Variants in NEIL2 observed in about 807,000 individuals in gnomAD.
The protein encoded by NEIL2 is endonuclease 8-like 2.
In NEIL2, 23 loss-of-function variants were observed where a neutral mutation model predicts 22.2. The ratio of observed to expected loss-of-function variants is 1.04; its 90% CI spans 0.75 to 1.47. NEIL2 has a LOEUF of 1.47. Among genes scored for constraint, NEIL2 ranks in the 40% most tolerant of loss-of-function variants. The pLI is 0.00. For synonymous variants in NEIL2, 229 were observed against 164.8 expected, an observed-to-expected ratio of 1.39 and a Z score of -2.99; for missense variants, 583 against 404.7, an observed-to-expected ratio of 1.44 and a Z score of -3.78.
intron 3 of NEIL2, among the ~76,000 whole-genome samples, chr8:11,780,878 T>G (rs1804358236): frequency 6.6e-6 from 1 of 152,242 alleles, no homozygotes; most frequent in South Asian, 2.1e-4. Flanking sequence ...TTAGGTCGTT[T>G]GTGTACTTCT....
intron 2 of NEIL2, among the ~76,000 whole-genome samples, chr8:11,775,056 C>G (rs934631090): frequency 1.3e-5 from 2 of 152,264 alleles, no homozygotes; most frequent in Non-Finnish European, 1.5e-5. Flanking sequence ...CAGTGGCCCT[C>G]TTCTCACAGC....
In NEIL2 at chr8:11,771,284, A is replaced by G. The variant is rs186378528; in HGVS notation, c.-2-162A>G. Among the ~76,000 whole-genome samples, 8 of 152,232 alleles carry G rather than the reference A, an allele frequency of 5.3e-5. No homozygotes were observed. The East Asian group carries it at 7.7e-4, about 15-fold the overall frequency. ...CACCCTGCCACAGCTGCTCTTCTCT[A>G]TGATCTGACCGCCTCCCAGCCACAC... On this transcript the variant is annotated intron_variant, in intron 1 of 4. Coordinates refer to ENST00000284503, the MANE Select transcript of NEIL2 (RefSeq NM_145043.4).
chr8:11,773,129 T>C (rs768079559), intron 2 of NEIL2, among the ~76,000 whole-genome samples: 2 of 152,122 alleles, frequency 1.3e-5, no homozygotes, highest in African/African-American at 2.4e-5. Context: ...GTACACACTG[T>C]CCTTCGAGGT....
At position 11,779,911 on chromosome 8, in the gene NEIL2, A is replaced by C. The variant is rs760384701; in HGVS notation, c.452A>C (p.Lys151Thr). The change falls in exon 3 of 5, where the codon AAA becomes ACA. Residue 151 changes from lysine (K) to threonine (T), a missense_variant. Physicochemically the swap from Lys to Thr is moderately conservative, Grantham distance 78 (BLOSUM62 -1). Transcript: ENST00000284503. ...GTGAACGATTTCTCCAGAGCCAAGA[A>C]AGCCAACAAGAGGGGGGACTGGAGG... ...VWVNDFSRAKKANKRGDWRDP... is the reference protein window; with the variant it reads ...VWVNDFSRAKTANKRGDWRDP... The C allele has an allele frequency of 5.6e-6, 9 of 1,614,134 alleles. No individual in the cohort carries two copies. The highest frequency in any genetic ancestry group is 2.2e-5 in the East Asian group (1 of 44,880).
rs34908835 is a variant in NEIL2 at position 11,778,290 on chromosome 8, GTTTTT to G, written c.139-1292_139-1288del. ...TTATGCCCACTTAAATCCTTGCTCA[GTTTTT>G]TTTTTTTTTTTTTTTATGTAGGTCA... On this transcript the variant is annotated intron_variant, in intron 2 of 4. Transcript: ENST00000284503. Among the ~76,000 whole-genome samples, 217 of 130,286 alleles carry G rather than the reference GTTTTT, an allele frequency of 1.7e-3. 2 individuals are homozygous for G. The highest frequency in any genetic ancestry group is 5.9e-3 in the South Asian group (24 of 4,044). 85.5% of individuals were successfully genotyped at this position (130,286 alleles called of 152,430 possible).
chr8:11,772,534 G>T (rs1193702691), intron 2 of NEIL2, among the ~76,000 whole-genome samples: 1 of 152,168 alleles, frequency 6.6e-6, no homozygotes, highest in Non-Finnish European at 1.5e-5. Context: ...TCTGCTTTAG[G>T]TGGGAAGGAG....
At chr8:11,777,562 A>G (rs566781149) in intron 2 of NEIL2, among the ~76,000 whole-genome samples, 4 of 152,236 alleles carry the variant, frequency 2.6e-5, no homozygotes, top group African/African-American at 7.2e-5. Context: ...GCCCCTGGCA[A>G]TCACCTTTCT....
intron 1 of NEIL2, among the ~76,000 whole-genome samples, chr8:11,771,140 C>T (rs8191528): frequency 0.18 from 26,851 of 152,000 alleles, 2,703 homozygotes; most frequent in Middle Eastern, 0.33. Context: ...TGGCAGGTGC[C>T]GCTCAGGAAT....
chr8:11,778,290 G>GTTTTTTTTTTTT (rs34908835), intron 2 of NEIL2, among the ~76,000 whole-genome samples: 27 of 130,284 alleles, frequency 2.1e-4, no homozygotes, highest in Non-Finnish European at 2.1e-4. Context: ...TCCTTGCTCA[G>GTTTTTTTTTTTT]TTTTTTTTTT....
intron 2 of NEIL2, among the ~76,000 whole-genome samples, chr8:11,774,259 C>T (rs887486505): frequency 1.2e-4 from 18 of 152,050 alleles, no homozygotes; most frequent in Non-Finnish European, 2.5e-4. Context: ...CCTGTAATCC[C>T]AGCTACTTGG....
chr8:11,782,097 A>G (rs8191625), intron 3 of NEIL2, among the ~76,000 whole-genome samples: 8,224 of 152,034 alleles, frequency 0.054, 313 homozygotes, highest in Middle Eastern at 0.085. Context: ...AGCTTTATAT[A>G]TCCTTTCTAT....
In NEIL2 at chr8:11,771,482, A is replaced by C; in HGVS notation, c.35A>C (p.His12Pro). The change falls in exon 2 of 5, where the codon CAT becomes CCT. Residue 12 changes from histidine (H) to proline (P), a missense_variant. His to Pro is a moderately conservative substitution (Grantham distance 77, BLOSUM62 -2). Coordinates refer to ENST00000284503, the MANE Select transcript of NEIL2 (RefSeq NM_145043.4). ...GGGCCGTTGGTGAGGAAATTTCACC[A>C]TTTGGTCTCCCCCTTTGTGGGTCAG... is the stretch of plus-strand genomic sequence containing the variant. Reference protein sequence around the residue: ...PEGPLVRKFHHLVSPFVGQQV... With the variant: ...PEGPLVRKFHPLVSPFVGQQV... The C allele has an allele frequency of 1.2e-6, 2 of 1,613,980 alleles. No homozygotes were observed. Among genetic ancestry groups the C allele is most frequent in the Non-Finnish European group, 1.7e-6 (2 of 1,180,002 alleles).
At chr8:11,778,177 C>G (rs1804071650) in intron 2 of NEIL2, among the ~76,000 whole-genome samples, 1 of 152,040 alleles carries the variant, frequency 6.6e-6, no homozygotes, top group East Asian at 1.9e-4. Flanking sequence ...ATGTTTTGTT[C>G]ATGATGGGCA....
chr8:11,773,364 A>G (rs1803638595), intron 2 of NEIL2, among the ~76,000 whole-genome samples: 1 of 152,174 alleles, frequency 6.6e-6, no homozygotes, highest in Non-Finnish European at 1.5e-5. Context: ...GCTGCCTGGC[A>G]GTGCTTTGAA....
intron 3 of NEIL2, among the ~76,000 whole-genome samples, chr8:11,780,675 C>G (rs1278284278): frequency 2.0e-5 from 3 of 152,256 alleles, no homozygotes; most frequent in Admixed American, 1.3e-4. Context: ...AGCCACCATG[C>G]TTGGCCCCAG....
In NEIL2 at chr8:11,786,522, C is replaced by A. The variant is rs890593079; in HGVS notation, c.*249C>A. 1.8e-6 allele frequency: 1 copy of A among 543,362 alleles called. No individual in the cohort carries two copies. 33.7% of individuals were successfully genotyped at this position (543,362 alleles called of 1,614,324 possible). ...CACCATCGTGAAAGATGGGAAAAAT[C>A]GTGATGATGGGTAAGGGGAAAACTT... On this transcript the variant is annotated 3_prime_UTR_variant, in exon 5 of 5. Transcript: ENST00000284503.
rs775105824 is a variant in NEIL2 at position 11,786,267 on chromosome 8, C to G, written c.993C>G (p.Phe331Leu). 5.6e-6 allele frequency: 9 copies of G among 1,611,574 alleles called. No homozygotes were observed. In the Admixed American group the frequency reaches 1.3e-4, roughly 24 times the overall value. The change falls in exon 5 of 5, where the codon TTC (phenylalanine) becomes TTG (leucine). Residue 331 changes from phenylalanine (F) to leucine (L), a missense_variant. Phe to Leu is a conservative substitution (Grantham distance 22). Coordinates refer to ENST00000284503, the MANE Select transcript of NEIL2 (RefSeq NM_145043.4). Reference protein sequence around the residue: ...QLSEEPEQCQFS With the variant: ...QLSEEPEQCQLS ...CAGAGGAGCCAGAGCAGTGCCAGTT[C>G]TCCTAAGGAGCTGGTGGTGCTCCTC...
At chr8:11,776,720 C>T (rs879811668) in intron 2 of NEIL2, among the ~76,000 whole-genome samples, 1 of 152,320 alleles carries the variant, frequency 6.6e-6, no homozygotes, top group East Asian at 1.9e-4. Context: ...GCCTCCCCAT[C>T]TCCAGGTCAC....
intron 2 of NEIL2, among the ~76,000 whole-genome samples, chr8:11,772,269 C>A (rs890981894): frequency 2.6e-5 from 4 of 152,170 alleles, no homozygotes; most frequent in Non-Finnish European, 4.4e-5. Context: ...CTTCCAGGGG[C>A]TCACGGAGCT....
Sources: allele counts gnomAD v4.1 joint callset (sites outside exome capture counted in the v4.1 genomes callset), GRCh38; gene constraint gnomAD v4.1.1; transcripts MANE v1.5; gene names NCBI Gene and HGNC (gene_info 2026-07-23, HGNC 2026-07-21).